The following TBC1D1 variants were observed in gnomAD, a reference collection of about 807,000 sequenced individuals.
TBC1D1 encodes TBC1 domain family member 1.
A neutral mutation model predicts 125.6 loss-of-function variants in TBC1D1; 89 were observed. The observed-to-expected ratio is 0.71, with a 90% CI of 0.60 to 0.85. The LOEUF (loss-of-function observed/expected upper bound fraction) is 0.85. TBC1D1 is among the 40% of genes least tolerant of loss of function. The pLI, the probability that TBC1D1 is intolerant of heterozygous loss-of-function variation, is 0.00. For missense variants in TBC1D1, 1,377 were observed against 1,469.2 expected, an observed-to-expected ratio of 0.94 and a Z score of 1.03; for synonymous variants, 565 against 564.1, an observed-to-expected ratio of 1.00 and a Z score of -0.02.
Position 38,102,930 on chromosome 4 carries a change from C to G in TBC1D1, c.2399-69C>G, listed in dbSNP as rs574574107. On this transcript the variant is annotated intron_variant, in intron 14 of 19. Transcript: ENST00000261439. ...ATTTGGATAAATGGAACATGAAACA[C>G]AATTCATTTTTATTATTAAGTTGTA... is the stretch of plus-strand genomic sequence containing the variant. 72 of 1,405,448 alleles carry G rather than the reference C, an allele frequency of 5.1e-5. 1 individual carries two copies. The South Asian group carries it at 9.4e-4, about 18-fold the overall frequency. The allele number at this position is 1,405,448 out of a possible 1,614,324, so 87.1% of individuals were successfully genotyped here.
At chr4:38,104,978 A>G (rs1578733490) in intron 15 of TBC1D1, among the ~76,000 whole-genome samples, 1 of 151,970 alleles carries the variant, frequency 6.6e-6, no homozygotes, top group East Asian at 1.9e-4. Context: ...GATGGTCTCA[A>G]TCTCCTGACC....
At chr4:37,926,452 T>A (rs996243691) in intron 2 of TBC1D1, among the ~76,000 whole-genome samples, 2 of 152,206 alleles carry the variant, frequency 1.3e-5, no homozygotes, top group Non-Finnish European at 2.9e-5. Context: ...GGTGAGTTCA[T>A]TCTTCACCTG....
intron 2 of TBC1D1, among the ~76,000 whole-genome samples, chr4:37,942,846 A>T (rs1382070017): frequency 1.3e-5 from 2 of 152,204 alleles, no homozygotes; most frequent in East Asian, 3.9e-4. Flanking sequence ...GGCTAGGTTA[A>T]TATTGTTATA....
chr4:38,106,092 C>T (rs767577330), intron 15 of TBC1D1, among the ~76,000 whole-genome samples: 2 of 152,138 alleles, frequency 1.3e-5, no homozygotes, highest in Admixed American at 6.5e-5. Context: ...CAGCCCTCTG[C>T]GGACTGGGCT....
rs1386068284 is a variant in TBC1D1 at position 37,972,208 on chromosome 4, T to G, written c.418-42301T>G. Among the ~76,000 whole-genome samples, 5 of 140,380 alleles carry G rather than the reference T, an allele frequency of 3.6e-5. No individual in the cohort carries two copies. The East Asian group carries it at 1.2e-3, about 33-fold the overall frequency. 92.1% of individuals were successfully genotyped at this position (140,380 alleles called of 152,430 possible). On this transcript the variant is annotated intron_variant, in intron 2 of 19. Coordinates refer to ENST00000261439, the MANE Select transcript of TBC1D1 (RefSeq NM_015173.4). ...TAAAAATTACTGATGCCTGGCTGGG[T>G]GCGGTGGTTCATGCCTGTCATCTCG... is the stretch of plus-strand genomic sequence containing the variant.
intron 5 of TBC1D1, among the ~76,000 whole-genome samples, chr4:38,021,258 ACCCACT>A (rs1743960757): frequency 6.6e-6 from 1 of 152,074 alleles, no homozygotes; most frequent in Non-Finnish European, 1.5e-5. Context: ...CACAGGAAAG[ACCCACT>A]CCCATGATTC....
chr4:38,108,824 T>G (rs531211810), intron 15 of TBC1D1, among the ~76,000 whole-genome samples: 6 of 152,370 alleles, frequency 3.9e-5, no homozygotes, highest in African/African-American at 1.4e-4. Flanking sequence ...GGAGAACGGT[T>G]GGATTTTTTA....
chr4:38,115,560 C>A, intron 15 of TBC1D1, 150 bp from the exon 18 acceptor site: 1 of 720,162 alleles, frequency 1.4e-6, no homozygotes, highest in Non-Finnish European at 2.2e-6. Flanking sequence ...TGGTGGACTT[C>A]GTTTGCAGAG....
intron 2 of TBC1D1, among the ~76,000 whole-genome samples, chr4:38,012,636 A>T (rs143666033): frequency 2.0e-5 from 3 of 152,144 alleles, no homozygotes; most frequent in Non-Finnish European, 4.4e-5. Context: ...TGTGAATGAA[A>T]CCTAGACTTC....
chr4:38,103,292 A>G, intron 15 of TBC1D1, 135 bp downstream of exon 17: 1 of 882,044 alleles, frequency 1.1e-6, no homozygotes, highest in Non-Finnish European at 1.7e-6. Context: ...CTTTTAATTT[A>G]AAAAGCCCTA....
chr4:38,055,176 C>T (rs936528939), intron 12 of TBC1D1: 5 of 152,174 alleles, frequency 3.3e-5, no homozygotes, highest in African/African-American at 1.2e-4. Flanking sequence ...TTTAGAGAAA[C>T]AGTTGACAAC....
rs75833459 is a variant in TBC1D1 at position 38,021,790 on chromosome 4, C to T, written c.1210+72C>T. 2,614 of 1,377,702 alleles carry T rather than the reference C, an allele frequency of 1.9e-3. 33 individuals carry two copies. In the East Asian group the frequency reaches 0.028, roughly 15 times the overall value. 85.3% of individuals were successfully genotyped at this position (1,377,702 alleles called of 1,614,324 possible). A position where few individuals can be genotyped will look rare whatever the true frequency, so the allele number is the denominator to read the frequency against. ...TCCCAGGAGAACTTTAGATGATACT[C>T]ATCTGTTGGAAGATTCTGCCTAACA... On this transcript the variant is annotated intron_variant, in intron 6 of 19. Coordinates refer to ENST00000261439, the MANE Select transcript of TBC1D1 (RefSeq NM_015173.4).
At chr4:37,898,284 T>TA (rs1364224803) in intron 1 of TBC1D1, among the ~76,000 whole-genome samples, 2 of 152,208 alleles carry the variant, frequency 1.3e-5, no homozygotes, top group African/African-American at 4.8e-5. Context: ...AGCCTGCTGA[T>TA]ACATGCCCTA....
chr4:38,078,234 A>G (rs1481914442), intron 12 of TBC1D1, among the ~76,000 whole-genome samples: 2 of 152,210 alleles, frequency 1.3e-5, no homozygotes, highest in African/African-American at 4.8e-5. Context: ...GAATTGTGCC[A>G]ATCCATTGAG....
chr4:37,981,119 T>C (rs933871310), intron 2 of TBC1D1, among the ~76,000 whole-genome samples: 7 of 152,016 alleles, frequency 4.6e-5, no homozygotes, highest in African/African-American at 1.7e-4. Flanking sequence ...ATTTTTGTAT[T>C]TTTAGTAGAG....
intron 2 of TBC1D1, among the ~76,000 whole-genome samples, chr4:37,959,289 T>C (rs961580626): frequency 2.0e-5 from 3 of 152,232 alleles, no homozygotes; most frequent in Non-Finnish European, 4.4e-5. Context: ...ATATTTCGTA[T>C]GTTTTATGCA....
chr4:37,974,051 C>T (rs1732563317), intron 2 of TBC1D1, among the ~76,000 whole-genome samples: 1 of 152,186 alleles, frequency 6.6e-6, no homozygotes, highest in African/African-American at 2.4e-5. Flanking sequence ...CTGTCAGCCT[C>T]CATCTCTTCT....
intron 11 of TBC1D1, among the ~76,000 whole-genome samples, chr4:38,050,956 A>G (rs1459016455): frequency 2.0e-5 from 3 of 152,234 alleles, no homozygotes; most frequent in Non-Finnish European, 4.4e-5. Context: ...CTTAATAAAT[A>G]CACGCTTTTA....
chr4:38,042,895 T>C (rs12645411), intron 8 of TBC1D1, among the ~76,000 whole-genome samples: 20,165 of 152,178 alleles, frequency 0.13, 1,824 homozygotes, highest in East Asian at 0.4. Flanking sequence ...TAATGGGGGA[T>C]TTGCTTGTGT....
Sources: gnomAD v4.1 joint callset for allele counts (sites outside exome capture counted in the v4.1 genomes callset) on GRCh38, gnomAD v4.1.1 for gene constraint, MANE v1.5 for transcripts, NCBI Gene and HGNC (gene_info 2026-07-23, HGNC 2026-07-21) for gene names.